EYA1: variants seen among roughly 807,000 people sequenced by gnomAD.
EYA1 encodes the protein EYA transcriptional coactivator and phosphatase 1.
EYA1 carries 16 observed loss-of-function variants against 82.0 expected under a neutral mutation model. The observed-to-expected ratio is 0.20, with a 90% CI of 0.13 to 0.30. The LOEUF (loss-of-function observed/expected upper bound fraction) is 0.30. EYA1 is among the 10% of genes least tolerant of loss of function. The pLI, the probability that EYA1 is intolerant of heterozygous loss-of-function variation, is 1.00. For synonymous variants in EYA1, 261 were observed against 264.4 expected, an observed-to-expected ratio of 0.99 and a Z score of 0.12; for missense variants, 633 against 730.7, an observed-to-expected ratio of 0.87 and a Z score of 1.54.
intron 9 of EYA1, among the ~76,000 whole-genome samples, chr8:71,294,686 G>A (rs1383785248): frequency 6.6e-6 from 1 of 152,142 alleles, no homozygotes; most frequent in Non-Finnish European, 1.5e-5. Context: ...TAAATTCAAC[G>A]TGATTCCAGC....
chr8:71,502,912 C>A (rs555641765), intron 2 of EYA1, among the ~76,000 whole-genome samples: 4 of 152,214 alleles, frequency 2.6e-5, no homozygotes, highest in African/African-American at 9.7e-5. Flanking sequence ...TTCATTACAG[C>A]TGAATGGTGA....
At chr8:71,424,297 C>T (rs1831302144) in intron 2 of EYA1, among the ~76,000 whole-genome samples, 1 of 152,088 alleles carries the variant, frequency 6.6e-6, no homozygotes, top group East Asian at 1.9e-4. Flanking sequence ...TGTATTTAAT[C>T]CTAAAACATC....
At chr8:71,495,891 A>G (rs1229240482) in intron 2 of EYA1, among the ~76,000 whole-genome samples, 1 of 152,168 alleles carries the variant, frequency 6.6e-6, no homozygotes, top group Non-Finnish European at 1.5e-5. Context: ...CCAGGGGATC[A>G]TTCCCCAGCA....
intron 7 of EYA1, among the ~76,000 whole-genome samples, chr8:71,307,231 A>C (rs1820825739): frequency 6.6e-6 from 1 of 152,108 alleles, no homozygotes; most frequent in South Asian, 2.1e-4. Flanking sequence ...AAGATAAATA[A>C]TAATTGAGCT....
intron 2 of EYA1, among the ~76,000 whole-genome samples, chr8:71,401,290 T>G (rs976186327): frequency 1.3e-5 from 2 of 152,214 alleles, no homozygotes; most frequent in Non-Finnish European, 1.5e-5. Flanking sequence ...GAACTTAAAA[T>G]AAATTTTTTA....
chr8:71,287,650 T>C (rs1428398256), intron 9 of EYA1, among the ~76,000 whole-genome samples: 1 of 152,214 alleles, frequency 6.6e-6, no homozygotes, highest in Non-Finnish European at 1.5e-5. Flanking sequence ...AGCCACACTT[T>C]TGGGGCTTTA....
rs186457921 is a variant in EYA1 at position 71,469,430 on chromosome 8, C to G, written c.33+66314G>C. ...AAATGGGTGTGAAAATAGTGCCTAT[C>G]TCACAGCATTGTTGTGAGGATCAAA... On this transcript the variant is annotated intron_variant, in intron 2 of 18. Coordinates refer to the EYA1 transcript ENST00000643681. Among the ~76,000 whole-genome samples the G allele has an allele frequency of 4.6e-5, 7 of 152,142 alleles. No individual in the cohort carries two copies. In the East Asian group the frequency reaches 1.4e-3, roughly 29 times the overall value.
In EYA1 at chr8:71,341,665, G is replaced by A. The variant is rs537025313; in HGVS notation, c.125-7491C>T. ...TTTAGAAAACAAGACATTCCTTTAT[G>A]TTTGGATTGGCTATATAGCATATGA... On this transcript the variant is annotated intron_variant, in intron 3 of 17. Coordinates refer to ENST00000340726, the MANE Select transcript of EYA1 (RefSeq NM_000503.6). Among the ~76,000 whole-genome samples the A allele has an allele frequency of 1.9e-4, 29 of 152,192 alleles. No homozygotes were observed. The South Asian group carries it at 6.0e-3, about 32-fold the overall frequency.
At chr8:71,402,268 T>C (rs1009637603) in intron 2 of EYA1, among the ~76,000 whole-genome samples, 2 of 152,126 alleles carry the variant, frequency 1.3e-5, no homozygotes, top group African/African-American at 4.8e-5. Flanking sequence ...ACTTGCTTTC[T>C]CTCAGATTCA....
At chr8:71,397,767 T>C (rs1316921865) in intron 2 of EYA1, among the ~76,000 whole-genome samples, 2 of 152,022 alleles carry the variant, frequency 1.3e-5, no homozygotes, top group African/African-American at 4.8e-5. Flanking sequence ...ATTGTGTGTC[T>C]TGGAGTGGCT....
intron 2 of EYA1, among the ~76,000 whole-genome samples, chr8:71,480,577 C>T (rs1026703919): frequency 6.6e-6 from 1 of 151,958 alleles, no homozygotes; most frequent in Non-Finnish European, 1.5e-5. Flanking sequence ...AAAAAAAATG[C>T]TGGCACCTTC....
chr8:71,363,324 A>G (rs556416757), upstream of EYA1, among the ~76,000 whole-genome samples: 2 of 152,340 alleles, frequency 1.3e-5, no homozygotes, highest in South Asian at 4.1e-4. Context: ...TCCGATGCAA[A>G]CAAAAAATAA....
At chr8:71,474,602 A>G (rs1320265060) in intron 2 of EYA1, among the ~76,000 whole-genome samples, 2 of 152,196 alleles carry the variant, frequency 1.3e-5, no homozygotes, top group Non-Finnish European at 2.9e-5. Flanking sequence ...TTAAATAATG[A>G]CATCATATAA....
intron 7 of EYA1, among the ~76,000 whole-genome samples, chr8:71,309,464 C>T (rs1358846880): frequency 6.6e-6 from 1 of 152,138 alleles, no homozygotes; most frequent in Admixed American, 6.5e-5. Flanking sequence ...TCAGTGCAAG[C>T]TGCAATAGCT....
intron 2 of EYA1, among the ~76,000 whole-genome samples, chr8:71,388,793 AT>A (rs1206671877): frequency 6.6e-6 from 1 of 152,130 alleles, no homozygotes; most frequent in African/African-American, 2.4e-5. Context: ...AATAAGCATA[AT>A]AGTGATAGTC....
chr8:71,531,184 T>C (rs1246026906), intron 2 of EYA1: 1 of 152,200 alleles, frequency 6.6e-6, no homozygotes, highest in African/African-American at 2.4e-5. Flanking sequence ...TCTGGAGATG[T>C]TTCCAATAAA....
intron 7 of EYA1, among the ~76,000 whole-genome samples, chr8:71,315,590 C>T (rs1286328511): frequency 6.6e-6 from 1 of 152,226 alleles, no homozygotes; most frequent in African/African-American, 2.4e-5. Context: ...TACTGTCTCT[C>T]TCTTTGGCAA....
At chr8:71,374,513 A>T (rs901363029) in intron 2 of EYA1, among the ~76,000 whole-genome samples, 3 of 152,206 alleles carry the variant, frequency 2.0e-5, no homozygotes, top group African/African-American at 7.2e-5. Context: ...GGAGAAAAGG[A>T]AACCTTTGCA....
chr8:71,433,476 A>G (rs747879358), intron 2 of EYA1, among the ~76,000 whole-genome samples: 30 of 152,248 alleles, frequency 2.0e-4, no homozygotes, highest in Non-Finnish European at 4.1e-4. Context: ...ATCATATGAC[A>G]ATCAGCACAA....
Sources: allele counts gnomAD v4.1 joint callset (sites outside exome capture counted in the v4.1 genomes callset), GRCh38; gene constraint gnomAD v4.1.1; transcripts MANE v1.5; gene names NCBI Gene and HGNC (gene_info 2026-07-23, HGNC 2026-07-21).